The following ACSS2 variants were observed in gnomAD, a reference collection of about 807,000 sequenced individuals.
ACSS2 encodes acyl-CoA synthetase short chain family member 2, also known as acetyl-coenzyme A synthetase, cytoplasmic.
In ACSS2, 58 loss-of-function variants were observed where a neutral mutation model predicts 90.6. The observed-to-expected ratio is 0.64, with a 90% CI of 0.52 to 0.80. The LOEUF is 0.80. Among genes scored for constraint, ACSS2 ranks in the 30% least tolerant of loss-of-function variants. The pLI is 0.00. For missense variants in ACSS2, 759 were observed against 912.0 expected, an observed-to-expected ratio of 0.83 and a Z score of 2.16; for synonymous variants, 300 against 330.9, an observed-to-expected ratio of 0.91 and a Z score of 1.01.
Position 34,919,485 on chromosome 20 carries a change from G to C in ACSS2, c.885G>C (p.Glu295Asp), listed in dbSNP as rs2081147565. ...IDLWWHELMQ[E>D]AGDECEPEWC... ...TGTGGTGGCATGAGCTCATGCAAGA[G>C]GCAGGGGATGAGTGTGAGCCCGAGT... Residue 295 changes from glutamate (E) to aspartate (D), a missense_variant, in exon 8 of 18, where the codon GAG becomes GAC. Coordinates refer to ENST00000360596, the MANE Select transcript of ACSS2 (RefSeq NM_018677.4). 6.2e-7 allele frequency: 1 copy of C among 1,613,034 alleles called. No homozygotes were observed. The highest frequency in any genetic ancestry group is 8.5e-7 in the Non-Finnish European group (1 of 1,180,024).
chr20:34,900,502 G>T (rs975855147), intron 2 of ACSS2, among the ~76,000 whole-genome samples: 2 of 152,084 alleles, frequency 1.3e-5, no homozygotes, highest in African/African-American at 4.8e-5. Context: ...AGACTGGCCG[G>T]TACAGTCCTG....
In ACSS2 at chr20:34,926,115, G is replaced by A; in HGVS notation, c.1737G>A (p.Leu579=). Residue 579 remains leucine, a synonymous_variant, in exon 16 of 18, where the codon CTG becomes CTA. Transcript: ENST00000360596. Reference sequence around the variant, plus strand: ...CTTTCCCTTGACAAGGACACCTGCTGAGTACAGCAGAGGTGGAGTCAGCAC... The same window carrying A: ...CTTTCCCTTGACAAGGACACCTGCTAAGTACAGCAGAGGTGGAGTCAGCAC... The part of the protein sequence containing the change: ...DDMLNVSGHL[L]STAEVESALV... 6.2e-7 allele frequency: 1 copy of A among 1,614,186 alleles called. No homozygotes were observed.
At chr20:34,889,985 T>G (rs761061922) in intron 2 of ACSS2, among the ~76,000 whole-genome samples, 2 of 152,168 alleles carry the variant, frequency 1.3e-5, no homozygotes, top group Admixed American at 6.5e-5. Flanking sequence ...GCCAGAGAAC[T>G]GAGAGTTTGT....
At chr20:34,884,500 G>A (rs2080142119) in intron 2 of ACSS2, among the ~76,000 whole-genome samples, 1 of 152,154 alleles carries the variant, frequency 6.6e-6, no homozygotes, top group Non-Finnish European at 1.5e-5. Flanking sequence ...TTCTATCCTT[G>A]TTTTTCTCTC....
In ACSS2 at chr20:34,882,681, G is replaced by A. The variant is rs1601283165; in HGVS notation, c.179-113G>A. 1.7e-5 allele frequency: 16 copies of A among 931,340 alleles called. No homozygotes were observed. The East Asian group carries it at 4.3e-4, about 25-fold the overall frequency. The allele number at this position is 931,340 out of a possible 1,614,324, so 57.7% of individuals were successfully genotyped here. A position where few individuals can be genotyped will look rare whatever the true frequency, so the allele number is the denominator to read the frequency against. ...CAGGTAAAGAAGGGACCCAGGTGGTGGGTCCTAGGGCAAGGAAGTTATAAT... is the reference window on the plus strand; with the variant it reads ...CAGGTAAAGAAGGGACCCAGGTGGTAGGTCCTAGGGCAAGGAAGTTATAAT... On this transcript the variant is annotated intron_variant, in intron 1 of 17. Coordinates refer to ENST00000360596, the MANE Select transcript of ACSS2 (RefSeq NM_018677.4).
chr20:34,891,712 G>C (rs915208832), intron 2 of ACSS2, among the ~76,000 whole-genome samples: 3 of 152,100 alleles, frequency 2.0e-5, no homozygotes, highest in African/African-American at 4.8e-5. Flanking sequence ...GAGGTGAGCT[G>C]GAGGATTTCA....
chr20:34,911,239 G>A (rs899638172), intron 2 of ACSS2, among the ~76,000 whole-genome samples: 1 of 150,428 alleles, frequency 6.6e-6, no homozygotes, highest in African/African-American at 2.5e-5. Flanking sequence ...CCAGGCTGGA[G>A]TACAGTGGCA....
intron 5 of ACSS2, 44 bp from the exon 6 acceptor site, chr20:34,914,052 G>T: frequency 6.2e-7 from 1 of 1,601,196 alleles, no homozygotes; most frequent in South Asian, 1.1e-5. Flanking sequence ...CCACTAGGCA[G>T]CATGGGGCTT....
chr20:34,915,165 C>T, intron 7 of ACSS2: 2 of 1,597,796 alleles, frequency 1.3e-6, no homozygotes, highest in East Asian at 4.5e-5. Context: ...TCCTCCCACT[C>T]CCTGTATACT....
chr20:34,897,073 G>A (rs1490231440), intron 2 of ACSS2, among the ~76,000 whole-genome samples: 1 of 151,812 alleles, frequency 6.6e-6, no homozygotes, highest in Non-Finnish European at 1.5e-5. Context: ...ATGAATGAAT[G>A]AATAGTGCTT....
At chr20:34,879,750 C>T (rs1411785703) in intron 1 of ACSS2, among the ~76,000 whole-genome samples, 1 of 152,134 alleles carries the variant, frequency 6.6e-6, no homozygotes, top group East Asian at 1.9e-4. Context: ...AACAAAAACA[C>T]CTCAGCTTTC....
At position 34,926,119 on chromosome 20, in the gene ACSS2, A is replaced by G; in HGVS notation, c.1741A>G (p.Thr581Ala). 6.2e-7 allele frequency: 1 copy of G among 1,614,094 alleles called. No homozygotes were observed. The highest frequency in any genetic ancestry group is 8.5e-7 in the Non-Finnish European group (1 of 1,179,954). ...MLNVSGHLLS[T>A]AEVESALVEH... is the part of the protein sequence containing the mutation. ...CCCTTGACAAGGACACCTGCTGAGT[A>G]CAGCAGAGGTGGAGTCAGCACTTGT... The change falls in exon 16 of 18, where the codon ACA (threonine) becomes GCA (alanine). Residue 581 changes from threonine (T) to alanine (A), a missense_variant. Thr to Ala is a moderately conservative substitution (Grantham distance 58). Coordinates refer to ENST00000360596, the MANE Select transcript of ACSS2 (RefSeq NM_018677.4).
chr20:34,917,650 G>C (rs551276608), intron 7 of ACSS2, among the ~76,000 whole-genome samples: 17 of 152,266 alleles, frequency 1.1e-4, no homozygotes, highest in African/African-American at 4.1e-4. Flanking sequence ...GAACATACAA[G>C]AATCTAATTA....
chr20:34,882,460 A>G (rs1411069087), intron 1 of ACSS2, among the ~76,000 whole-genome samples: 1 of 152,020 alleles, frequency 6.6e-6, no homozygotes, highest in Non-Finnish European at 1.5e-5. Context: ...CGTCTCTACT[A>G]AAAATACAAA....
At chr20:34,916,150 ATTCC>A (rs2081073571) in intron 7 of ACSS2, among the ~76,000 whole-genome samples, 1 of 152,146 alleles carries the variant, frequency 6.6e-6, no homozygotes, top group Non-Finnish European at 1.5e-5. Context: ...GACAGATCTG[ATTCC>A]TAGGGCATAC....
At chr20:34,879,146 C>T (rs914463155) in intron 1 of ACSS2, among the ~76,000 whole-genome samples, 2 of 151,854 alleles carry the variant, frequency 1.3e-5, no homozygotes, top group Non-Finnish European at 2.9e-5. Context: ...CCTCGTGATC[C>T]GCCCGCCTCG....
chr20:34,900,051 T>C (rs986901309), intron 2 of ACSS2, among the ~76,000 whole-genome samples: 2 of 152,190 alleles, frequency 1.3e-5, no homozygotes, highest in Admixed American at 1.3e-4. Context: ...TTCCAATTTC[T>C]GCACATGCTT....
chr20:34,925,099 GAA>G (rs2081288592), intron 14 of ACSS2, among the ~76,000 whole-genome samples: 1 of 152,164 alleles, frequency 6.6e-6, no homozygotes, highest in Non-Finnish European at 1.5e-5. Context: ...TATTGGCATG[GAA>G]CAAATTATCC....
chr20:34,923,237 C>A, intron 13 of ACSS2, 86 bp from the exon 14 acceptor site: 1 of 1,012,622 alleles, frequency 9.9e-7, no homozygotes, highest in Non-Finnish European at 1.5e-6. Flanking sequence ...ATTCAGGACA[C>A]TTTCCCCCAC....
Sources: allele counts gnomAD v4.1 joint callset (sites outside exome capture counted in the v4.1 genomes callset), GRCh38; gene constraint gnomAD v4.1.1; transcripts MANE v1.5; gene names NCBI Gene and HGNC (gene_info 2026-07-23, HGNC 2026-07-21).